Variants in RECK observed in about 807,000 individuals in gnomAD.
RECK encodes reversion inducing cysteine rich protein with kazal motifs, also known as reversion-inducing cysteine-rich protein with Kazal motifs.
A neutral mutation model predicts 115.1 loss-of-function variants in RECK; 69 were observed. That is an observed-to-expected ratio of 0.60 (90% confidence interval 0.49 to 0.73). RECK has a LOEUF of 0.73. Among genes scored for constraint, RECK ranks in the 30% least tolerant of loss-of-function variants. The pLI, the probability that RECK is intolerant of heterozygous loss-of-function variation, is 0.00. For missense variants in RECK, 1,047 were observed against 1,203.7 expected, an observed-to-expected ratio of 0.87 and a Z score of 1.93; for synonymous variants, 414 against 419.7, an observed-to-expected ratio of 0.99 and a Z score of 0.17.
intron 1 of RECK, among the ~76,000 whole-genome samples, chr9:36,040,867 G>A (rs1215359422): frequency 6.6e-6 from 1 of 152,092 alleles, no homozygotes; most frequent in Non-Finnish European, 1.5e-5. Flanking sequence ...TACTGAAGTA[G>A]GGAAGATGGA....
chr9:36,105,775 C>A (rs1244734803), intron 13 of RECK, among the ~76,000 whole-genome samples: 1 of 152,028 alleles, frequency 6.6e-6, no homozygotes, highest in Non-Finnish European at 1.5e-5. Flanking sequence ...ATATATATAA[C>A]TTTAAGGGTG....
chr9:36,097,107 T>G (rs1348312723), intron 10 of RECK, among the ~76,000 whole-genome samples: 1 of 152,140 alleles, frequency 6.6e-6, no homozygotes, highest in Non-Finnish European at 1.5e-5. Flanking sequence ...GTGGATCACT[T>G]GAGGTCAAGA....
chr9:36,045,702 T>C (rs1588264954), intron 1 of RECK, among the ~76,000 whole-genome samples: 1 of 152,040 alleles, frequency 6.6e-6, no homozygotes, highest in African/African-American at 2.4e-5. Context: ...TCAAAAATCC[T>C]ATAATTCTAT....
intron 10 of RECK, among the ~76,000 whole-genome samples, chr9:36,093,104 T>C (rs1408468): frequency 0.31 from 46,393 of 151,970 alleles, 8,461 homozygotes; most frequent in Middle Eastern, 0.47. Flanking sequence ...GGGCCAAACC[T>C]TGGGAGTACA....
At chr9:36,070,660 TTAC>T (rs1300865083) in intron 6 of RECK, among the ~76,000 whole-genome samples, 1 of 152,216 alleles carries the variant, frequency 6.6e-6, no homozygotes, top group East Asian at 1.9e-4. Flanking sequence ...AAGTAAAGAC[TTAC>T]TGGATTCATC....
Position 36,075,755 on chromosome 9 carries a change from A to G in RECK, c.406-4850A>G, listed in dbSNP as rs562256319. Among the ~76,000 whole-genome samples the G allele has an allele frequency of 3.3e-5, 5 of 152,350 alleles. No individual in the cohort carries two copies. In the East Asian group the frequency reaches 9.6e-4, roughly 29 times the overall value. ...AGATTTTTATTTATTGAGGCCTTAGAAACAAAGTAGCCCCTTTACTTTTAA... is the reference window on the plus strand; with the variant it reads ...AGATTTTTATTTATTGAGGCCTTAGGAACAAAGTAGCCCCTTTACTTTTAA... On this transcript the variant is annotated intron_variant, in intron 6 of 20. Coordinates refer to ENST00000377966, the MANE Select transcript of RECK (RefSeq NM_021111.3).
At chr9:36,092,894 A>G (rs1215277922) in intron 10 of RECK, among the ~76,000 whole-genome samples, 1 of 152,096 alleles carries the variant, frequency 6.6e-6, no homozygotes, top group Non-Finnish European at 1.5e-5. Flanking sequence ...CAAGGGAGGG[A>G]ACCACAAAAA....
intron 11 of RECK, 112 bp from the exon 12 acceptor site, chr9:36,101,982 A>G (rs1823580922): frequency 6.9e-6 from 7 of 1,017,270 alleles, no homozygotes; most frequent in South Asian, 1.7e-5. Context: ...CTTTTGAAAC[A>G]TGTTAAGTTA....
At position 36,065,558 on chromosome 9, in the gene RECK, G is replaced by T. The variant is rs1308304805; in HGVS notation, c.358-19G>T. The T allele has an allele frequency of 1.9e-6, 3 of 1,572,700 alleles. No individual in the cohort carries two copies. The highest frequency in any genetic ancestry group is 1.7e-6 in the Non-Finnish European group (2 of 1,161,452). On this transcript the variant is annotated intron_variant, in intron 5 of 20. Coordinates refer to ENST00000377966, the MANE Select transcript of RECK (RefSeq NM_021111.3). ...ATAGCATGTATAATAAATTAATGGA[G>T]AAATTTGTTGGTTTTTAGGCATCTT... is the stretch of plus-strand genomic sequence containing the variant.
In RECK at chr9:36,112,342, ATG is replaced by A. The variant is rs763872136; in HGVS notation, c.1929_1930del (p.Cys643TrpfsTer24). 2 of 1,613,492 alleles carry A rather than the reference ATG, an allele frequency of 1.2e-6. No homozygotes were observed. Among genetic ancestry groups the A allele is most frequent in the South Asian group, 2.2e-5 (2 of 91,032 alleles). ...ACTGTGCAGATCAGTTTGTCCCTGT[ATG>A]TGGGCAGAATGGGCGCACTTACCCC... ...CNCADQFVPV[C>X]GQNGRTYPSA... On this transcript the variant is annotated frameshift_variant, in exon 16 of 21. Coordinates refer to ENST00000377966, the MANE Select transcript of RECK (RefSeq NM_021111.3). LOFTEE classifies it high-confidence loss of function.
rs1564122007 is a variant in RECK at position 36,087,779 on chromosome 9, G to A, written c.723G>A (p.Glu241=). 2 of 1,614,044 alleles carry A rather than the reference G, an allele frequency of 1.2e-6. No individual in the cohort carries two copies. Among genetic ancestry groups the A allele is most frequent in the South Asian group, 2.2e-5 (2 of 91,086 alleles). Residue 241 remains glutamate, a synonymous_variant, in exon 9 of 21, where the codon GAG becomes GAA. Transcript: ENST00000377966. ...RILMSKKTEM[E]IVDGLIEGCK... ...TGATGTCCAAGAAAACGGAAATGGA[G>A]ATTGTTGATGGTCTCATCGAGGGTT...
chr9:36,036,977 T>G lies in RECK; in HGVS notation c.-22T>G, dbSNP rs760890395. ...AAGCTGGGTCCGAGCATCCCGCGGC[T>G]CTGGAGCCGCCCGGCCCGGACATGG... On this transcript the variant is annotated 5_prime_UTR_variant, in exon 1 of 21. Transcript: ENST00000377966. 1.1e-5 allele frequency: 15 copies of G among 1,405,428 alleles called. No individual in the cohort carries two copies. The South Asian group carries it at 2.0e-4, about 19-fold the overall frequency. 87.1% of individuals were successfully genotyped at this position (1,405,428 alleles called of 1,614,324 possible). A position where few individuals can be genotyped will look rare whatever the true frequency, so the allele number is the denominator to read the frequency against.
chr9:36,095,822 G>A (rs7854650), intron 10 of RECK, among the ~76,000 whole-genome samples: 3,783 of 151,696 alleles, frequency 0.025, 165 homozygotes, highest in African/African-American at 0.085. Flanking sequence ...TGTAATCCTA[G>A]CACTTTGGGA....
At chr9:36,075,769 C>G (rs2132611953) in intron 6 of RECK, among the ~76,000 whole-genome samples, 1 of 152,282 alleles carries the variant, frequency 6.6e-6, no homozygotes, top group South Asian at 2.1e-4. Flanking sequence ...AAAGTAGCCC[C>G]TTTACTTTTA....
intron 10 of RECK, among the ~76,000 whole-genome samples, chr9:36,092,683 C>T (rs10115326): frequency 2.0e-5 from 3 of 151,702 alleles, no homozygotes; most frequent in African/African-American, 4.8e-5. Flanking sequence ...TGAGCCACCA[C>T]GAGTGGCCAA....
Position 36,110,038 on chromosome 9 carries a change from T to G in RECK, c.1847T>G (p.Leu616Arg). ...GNLVCSTRLC[L>R]SEHSSEDDRR... ...TTGGTGTGCTCTACCCGCCTTTGCC[T>G]CAGTGAGCACAGTTCAGAAGATGAC... The change falls in exon 15 of 21, where the codon CTC (leucine) becomes CGC (arginine). Residue 616 changes from leucine to arginine, a missense_variant. Transcript: ENST00000377966. 2 of 1,613,922 alleles carry G rather than the reference T, an allele frequency of 1.2e-6. No homozygotes were observed. The highest frequency in any genetic ancestry group is 1.3e-5 in the African/African-American group (1 of 75,050).
chr9:36,114,868 A>T (rs188709957), intron 16 of RECK, among the ~76,000 whole-genome samples: 2 of 151,902 alleles, frequency 1.3e-5, no homozygotes, highest in African/African-American at 4.8e-5. Flanking sequence ...ACAAAACAAA[A>T]AACACTAAAA....
intron 18 of RECK, 103 bp downstream of exon 18, chr9:36,119,070 GAA>G: frequency 1.7e-6 from 2 of 1,164,932 alleles, no homozygotes. Flanking sequence ...ACGTTTTTCA[GAA>G]AGTCTTGAAG....
chr9:36,042,423 A>AGTGTGTGTGT lies in RECK; in HGVS notation c.100+5358_100+5367dup, dbSNP rs35193636. On this transcript the variant is annotated intron_variant, in intron 1 of 20. Coordinates refer to ENST00000377966, the MANE Select transcript of RECK (RefSeq NM_021111.3). ...TTTTTATGGCTGAGTAGTATTCCAT[A>AGTGTGTGTGT]GTGTGTGTGTGTGTGTGTGTGTGTG... Among the ~76,000 whole-genome samples the AGTGTGTGTGT allele has an allele frequency of 5.9e-3, 855 of 144,446 alleles. 3 individuals carry two copies. The highest frequency in any genetic ancestry group is 0.01 in the Non-Finnish European group (676 of 65,856). 94.8% of individuals were successfully genotyped at this position (144,446 alleles called of 152,430 possible). A position where few individuals can be genotyped will look rare whatever the true frequency, so the allele number is the denominator to read the frequency against.
Sources: allele counts gnomAD v4.1 joint callset (sites outside exome capture counted in the v4.1 genomes callset), GRCh38; gene constraint gnomAD v4.1.1; transcripts MANE v1.5; gene names NCBI Gene and HGNC (gene_info 2026-07-23, HGNC 2026-07-21).